The following SKOR2 variants were observed in gnomAD, a reference collection of about 807,000 sequenced individuals.
The protein encoded by SKOR2 is SKI family transcriptional corepressor 2.
Under a neutral mutation model 69.1 loss-of-function variants are expected in SKOR2, and 47 were observed. That is an observed-to-expected ratio of 0.68 (90% CI 0.54 to 0.87). The LOEUF is 0.87. SKOR2 is among the 40% of genes least tolerant of loss of function. The pLI is 0.00. For synonymous variants in SKOR2, 717 were observed against 672.6 expected (o/e 1.07, Z -1.02); for missense variants, 1,404 against 1,472.2 (o/e 0.95, Z 0.76).
chr18:47,230,414 G>A (rs750381417), intron 6 of SKOR2, 45 bp downstream of exon 6: 328 of 1,120,728 alleles, frequency 2.9e-4, no homozygotes, highest in Admixed American at 1.6e-3. Context: ...TAATAGAAAC[G>A]TAATCAATTA....
Position 47,248,137 on chromosome 18 carries a change from C to T in SKOR2, c.1047G>A (p.Gly349=). ...AAASGGAGTG[G]GGAGGGCVAG... ...CCACACAGCCACCCCCAGCGCCGCC[C>T]CCACCAGTCCCCGCGCCGCCCGAAG... Residue 349 remains glycine, a synonymous_variant, in exon 2 of 9, where the codon GGG becomes GGA. Coordinates refer to ENST00000425639, the MANE Select transcript of SKOR2 (RefSeq NM_001278063.4). The surrounding 1 kb of genome is among the most constrained non-coding windows in gnomAD (Gnocchi z 6.4). 2 of 1,273,560 alleles carry T rather than the reference C, an allele frequency of 1.6e-6. No individual in the cohort carries two copies. The highest frequency in any genetic ancestry group is 9.8e-7 in the Non-Finnish European group (1 of 1,018,140). 78.9% of individuals were successfully genotyped at this position (1,273,560 alleles called of 1,614,324 possible). A position where few individuals can be genotyped will look rare whatever the true frequency, so the allele number is the denominator to read the frequency against.
intron 7 of SKOR2, among the ~76,000 whole-genome samples, chr18:47,215,330 A>G (rs1007284860): frequency 6.6e-6 from 1 of 152,198 alleles, no homozygotes; most frequent in African/African-American, 2.4e-5. Context: ...TTCTAAAAAT[A>G]TAATGCAAAA....
At chr18:47,210,452 T>C (rs1224521709) in intron 8 of SKOR2, among the ~76,000 whole-genome samples, 1 of 152,216 alleles carries the variant, frequency 6.6e-6, no homozygotes, top group Non-Finnish European at 1.5e-5. Context: ...AAGAAGGTTA[T>C]TTTTAAAAAC....
intron 8 of SKOR2, among the ~76,000 whole-genome samples, chr18:47,208,405 A>G (rs529687984): frequency 1.3e-5 from 2 of 152,298 alleles, no homozygotes; most frequent in East Asian, 3.9e-4. Context: ...CATTACTATC[A>G]TTTCCAGTTT....
chr18:47,211,399 T>C (rs1279056412), intron 8 of SKOR2, among the ~76,000 whole-genome samples: 1 of 152,206 alleles, frequency 6.6e-6, no homozygotes, highest in Non-Finnish European at 1.5e-5. Flanking sequence ...ATTCCCACAA[T>C]TCTAATAATT....
At chr18:47,232,102 G>A (rs1334932555) in intron 4 of SKOR2, among the ~76,000 whole-genome samples, 1 of 151,956 alleles carries the variant, frequency 6.6e-6, no homozygotes, top group East Asian at 1.9e-4. Flanking sequence ...TTGCACTACT[G>A]CACTCCAGCC....
intron 4 of SKOR2, among the ~76,000 whole-genome samples, chr18:47,235,780 C>CAAA (rs11433396): frequency 0.011 from 625 of 59,148 alleles, 24 homozygotes; most frequent in African/African-American, 0.027. Flanking sequence ...CACAAACAAG[C>CAAA]AAAAAAAAAA....
intron 4 of SKOR2, among the ~76,000 whole-genome samples, chr18:47,241,382 T>G (rs1256283873): frequency 6.6e-6 from 1 of 152,176 alleles, no homozygotes; most frequent in East Asian, 1.9e-4. Flanking sequence ...TTCTGACACT[T>G]TGCCAAATAA....
chr18:47,230,658 C>A, intron 5 of SKOR2, 101 bp from the exon 6 acceptor site: 1 of 815,688 alleles, frequency 1.2e-6, no homozygotes. Context: ...AATATTTTAC[C>A]AGTTTAAAAA....
chr18:47,251,205 C>T (rs982509028), intron 1 of SKOR2, among the ~76,000 whole-genome samples, 169 bp downstream of exon 1: 1 of 152,134 alleles, frequency 6.6e-6, no homozygotes, highest in African/African-American at 2.4e-5. Context: ...TCCTGCCCAA[C>T]AGCCAAAGAC....
chr18:47,246,794 C>A lies in SKOR2; in HGVS notation c.2390G>T (p.Gly797Val). The A allele has an allele frequency of 7.1e-7, 1 of 1,414,238 alleles. No homozygotes were observed. Among genetic ancestry groups the A allele is most frequent in the East Asian group, 2.9e-5 (1 of 34,260 alleles). The allele number at this position is 1,414,238 out of a possible 1,614,324, so 87.6% of individuals were successfully genotyped here. A position where few individuals can be genotyped will look rare whatever the true frequency, so the allele number is the denominator to read the frequency against. ...FLQGRGPSEK[G>V]SSRDRAPAVA... The stretch of plus-strand genomic sequence containing the variant: ...GGCCGGCGCGCGGTCCCGGCTGCTC[C>A]CCTTCTCCGACGGCCCTCGGCCCTG... The change falls in exon 2 of 9, where the codon GGG becomes GTG. Residue 797 changes from glycine to valine, a missense_variant. Around this residue, in one of 3 missense-constraint regions of SKOR2, gnomAD observed 1,266 missense variants for 1,309.9 expected, o/e 0.97. Coordinates refer to ENST00000425639, the MANE Select transcript of SKOR2 (RefSeq NM_001278063.4).
rs985993817 is a variant in SKOR2 at position 47,246,813 on chromosome 18, G to T, written c.2371C>A (p.Arg791=). The T allele has an allele frequency of 7.0e-5, 100 of 1,426,388 alleles. No individual in the cohort carries two copies. Among genetic ancestry groups the T allele is most frequent in the Admixed American group, 2.3e-4 (8 of 34,136 alleles). 88.4% of individuals were successfully genotyped at this position (1,426,388 alleles called of 1,614,324 possible). A position where few individuals can be genotyped will look rare whatever the true frequency, so the allele number is the denominator to read the frequency against. ...CTGCTCCCCTTCTCCGACGGCCCTC[G>T]GCCCTGGAGGAACCGGCCGCCCCCG... The part of the protein sequence containing the change: ...LVGGGRFLQG[R]GPSEKGSSRD... The change falls in exon 2 of 9, where the codon CGA becomes AGA. Residue 791 remains arginine, a synonymous_variant. Transcript: ENST00000425639.
intron 4 of SKOR2, among the ~76,000 whole-genome samples, chr18:47,232,008 T>C (rs768900808): frequency 7.2e-5 from 11 of 151,820 alleles, no homozygotes; most frequent in Non-Finnish European, 1.5e-5. Context: ...AATGTGGTGA[T>C]GTGCACCTGT....
chr18:47,231,066 A>G (rs1600035349), intron 4 of SKOR2, 66 bp from the exon 5 acceptor site: 2 of 1,534,836 alleles, frequency 1.3e-6, no homozygotes, highest in African/African-American at 1.4e-5. Context: ...TTTCCTTTAC[A>G]TTTTCTTTTA....
chr18:47,226,611 G>C (rs1158787577), intron 6 of SKOR2, among the ~76,000 whole-genome samples: 1 of 152,092 alleles, frequency 6.6e-6, no homozygotes, highest in Non-Finnish European at 1.5e-5. Context: ...TTCACTCCCT[G>C]TTCCTCCCTC....
At chr18:47,246,463 T>TG (rs995441763) in intron 2 of SKOR2, 108 bp downstream of exon 2, 15 of 1,310,250 alleles carry the variant, frequency 1.1e-5, no homozygotes, top group Admixed American at 3.6e-5. Context: ...TTCATTTCTG[T>TG]GGGGAAATCT....
intron 1 of SKOR2, among the ~76,000 whole-genome samples, chr18:47,251,046 C>G (rs2064310267): frequency 6.6e-6 from 1 of 151,600 alleles, no homozygotes. Context: ...AGAAGTGTCT[C>G]CTCACTTTTA....
intron 4 of SKOR2, among the ~76,000 whole-genome samples, chr18:47,240,089 T>C (rs568425885): frequency 6.6e-6 from 1 of 152,326 alleles, no homozygotes; most frequent in Non-Finnish European, 1.5e-5. Flanking sequence ...TTCTCAGAAA[T>C]CTGTCCATAG....
chr18:47,218,589 CAA>C (rs57860548), intron 7 of SKOR2, among the ~76,000 whole-genome samples: 23 of 88,238 alleles, frequency 2.6e-4, no homozygotes, highest in Middle Eastern at 6.4e-3. Context: ...GACCCTGTCT[CAA>C]AAAAAAAAAA....
Sources: allele counts gnomAD v4.1 joint callset (sites outside exome capture counted in the v4.1 genomes callset), GRCh38; gene constraint gnomAD v4.1.1; regional missense constraint gnomAD v4.1.1; non-coding constraint Gnocchi (gnomAD v3.1); transcripts MANE v1.5; gene names NCBI Gene and HGNC (gene_info 2026-07-23, HGNC 2026-07-21).